HELZ: variants seen among roughly 807,000 people sequenced by gnomAD.
HELZ encodes the protein helicase with zinc finger, also known as ATP-dependent RNA helicase with zinc finger domain.
A neutral mutation model predicts 218.2 loss-of-function variants in HELZ; 23 were observed. The observed-to-expected ratio is 0.11, with a 90% confidence interval of 0.08 to 0.15. The LOEUF (loss-of-function observed/expected upper bound fraction) is 0.15, where lower values mean the gene tolerates loss of function less well. Ranked by LOEUF, HELZ falls within the 10% of genes least tolerant of loss-of-function variation. The probability of loss-of-function intolerance (pLI) is 1.00; values close to 1 mark genes in which losing one functional copy is unlikely to be tolerated. For synonymous variants in HELZ, 814 were observed against 829.4 expected (o/e 0.98, Z 0.32); for missense variants, 1,813 against 2,353.7 (o/e 0.77, Z 4.75).
intron 32 of HELZ, among the ~76,000 whole-genome samples, chr17:67,083,915 A>ATTTG (rs1567785166): frequency 4.6e-5 from 7 of 152,376 alleles, no homozygotes; most frequent in African/African-American, 1.7e-4. Flanking sequence ...TAAAAAGGCC[A>ATTTG]AAGATGGGGT....
chr17:67,091,563 T>G (rs2036575004), intron 31 of HELZ, among the ~76,000 whole-genome samples: 1 of 152,168 alleles, frequency 6.6e-6, no homozygotes. Context: ...TTGCTAGAAA[T>G]TTTAACGTCA....
At chr17:67,163,523 C>A (rs979931404) in intron 15 of HELZ, among the ~76,000 whole-genome samples, 1 of 152,036 alleles carries the variant, frequency 6.6e-6, no homozygotes, top group Non-Finnish European at 1.5e-5. Flanking sequence ...CTCAGCCTCC[C>A]GAGTAGCTGG....
At chr17:67,155,424 A>G (rs575930282) in intron 17 of HELZ, among the ~76,000 whole-genome samples, 1 of 152,300 alleles carries the variant, frequency 6.6e-6, no homozygotes, top group South Asian at 2.1e-4. Context: ...GGGTGTAAAG[A>G]CCTGATTAGA....
chr17:67,158,710 G>C (rs1379617306), intron 17 of HELZ, among the ~76,000 whole-genome samples: 1 of 152,058 alleles, frequency 6.6e-6, no homozygotes, highest in Non-Finnish European at 1.5e-5. Context: ...CTCTCTGTAA[G>C]TTAAAGGGCG....
In HELZ at chr17:67,123,045, A is replaced by T. The variant is rs1004128759; in HGVS notation, c.3555T>A (p.Asp1185Glu). The stretch of plus-strand genomic sequence containing the variant: ...AAAGAATACTTGTCCCAGTGTGAGG[A>T]TCTATTCTTTGAACAGGGCTTGGAG... ...GKSPSPVQRI[D>E]PHTGTSILYV... The change falls in exon 26 of 33, where the codon GAT becomes GAA. Residue 1185 changes from aspartate (D) to glutamate (E), a missense_variant. By Grantham distance (45) the Asp-to-Glu change is conservative. Coordinates refer to ENST00000358691, the MANE Select transcript of HELZ (RefSeq NM_014877.4). 4 of 1,613,726 alleles carry T rather than the reference A, an allele frequency of 2.5e-6. No homozygotes were observed. The highest frequency in any genetic ancestry group is 3.4e-6 in the Non-Finnish European group (4 of 1,179,630).
intron 31 of HELZ, among the ~76,000 whole-genome samples, chr17:67,098,090 C>T (rs1010085726): frequency 2.6e-5 from 4 of 152,206 alleles, no homozygotes; most frequent in African/African-American, 9.6e-5. Flanking sequence ...TTTTACACAA[C>T]TGAAGATTGA....
At chr17:67,174,755 C>T (rs532962675) in intron 13 of HELZ, among the ~76,000 whole-genome samples, 13 of 152,148 alleles carry the variant, frequency 8.5e-5, no homozygotes, top group South Asian at 2.1e-4. Flanking sequence ...CGAGACTGCA[C>T]CATTGCACTC....
intron 31 of HELZ, among the ~76,000 whole-genome samples, chr17:67,089,226 G>A (rs756428680): frequency 1.3e-5 from 2 of 152,112 alleles, no homozygotes; most frequent in African/African-American, 2.4e-5. Context: ...AATTTCAGGC[G>A]TTAACTTTAT....
chr17:67,115,136 TC>T (rs765042879), intron 27 of HELZ, among the ~76,000 whole-genome samples: 5 of 152,022 alleles, frequency 3.3e-5, no homozygotes, highest in Non-Finnish European at 7.4e-5. Context: ...CCATTAAGCT[TC>T]AAGAAATGAA....
chr17:67,202,504 T>A (rs2040193883), intron 6 of HELZ, among the ~76,000 whole-genome samples: 1 of 152,070 alleles, frequency 6.6e-6, no homozygotes, highest in Non-Finnish European at 1.5e-5. Context: ...CTCCGTAACT[T>A]AAAAAAATCA....
intron 12 of HELZ, among the ~76,000 whole-genome samples, chr17:67,182,533 C>A (rs1301819711): frequency 1.3e-5 from 2 of 152,200 alleles, no homozygotes; most frequent in African/African-American, 4.8e-5. Flanking sequence ...GACTTATTAA[C>A]CAATTCTTAC....
chr17:67,170,616 C>G (rs1217767352), intron 13 of HELZ, among the ~76,000 whole-genome samples: 1 of 151,990 alleles, frequency 6.6e-6, no homozygotes, highest in Non-Finnish European at 1.5e-5. Flanking sequence ...CACTTGAGGT[C>G]AGGAGTTCAA....
At chr17:67,098,838 C>T (rs1442667018) in intron 31 of HELZ, among the ~76,000 whole-genome samples, 7 of 152,224 alleles carry the variant, frequency 4.6e-5, no homozygotes, top group Non-Finnish European at 1.0e-4. Flanking sequence ...AGTGTGATGA[C>T]AAATCCAAGC....
chr17:67,138,451 G>C (rs1045709062), intron 21 of HELZ, among the ~76,000 whole-genome samples: 7 of 152,114 alleles, frequency 4.6e-5, no homozygotes, highest in Non-Finnish European at 7.3e-5. Flanking sequence ...TTCTAGGGAA[G>C]GCAAGTTCTC....
intron 1 of HELZ, chr17:67,244,504 G>A (rs2041414715): frequency 1.4e-6 from 1 of 700,320 alleles, no homozygotes; most frequent in African/African-American, 1.9e-5. Flanking sequence ...GTACTCTCAA[G>A]GAATCTCCAG....
At chr17:67,113,896 G>C (rs573929920) in intron 28 of HELZ, among the ~76,000 whole-genome samples, 1 of 152,326 alleles carries the variant, frequency 6.6e-6, no homozygotes, top group South Asian at 2.1e-4. Context: ...AAGCACAGAA[G>C]CAGAGAAAAT....
At chr17:67,205,320 G>A (rs2040267885) in intron 5 of HELZ, among the ~76,000 whole-genome samples, 1 of 148,460 alleles carries the variant, frequency 6.7e-6, no homozygotes, top group Non-Finnish European at 1.5e-5. Flanking sequence ...GAGCGAAACT[G>A]TCTCAAAAAA....
intron 13 of HELZ, among the ~76,000 whole-genome samples, chr17:67,174,569 C>T (rs1261907942): frequency 1.3e-5 from 2 of 152,072 alleles, no homozygotes; most frequent in Admixed American, 6.6e-5. Context: ...TAGGCCGAGG[C>T]GGGCAGATCA....
chr17:67,141,526 ATTGCCT>A (rs1255629238), intron 21 of HELZ, among the ~76,000 whole-genome samples: 3 of 151,828 alleles, frequency 2.0e-5, no homozygotes, highest in Non-Finnish European at 4.4e-5. Context: ...TGTCTTCTTT[ATTGCCT>A]TCTTTCGTAT....
Sources: allele counts gnomAD v4.1 joint callset (sites outside exome capture counted in the v4.1 genomes callset), GRCh38; gene constraint gnomAD v4.1.1; transcripts MANE v1.5; gene names NCBI Gene and HGNC (gene_info 2026-07-23, HGNC 2026-07-21).